ERBB4: variants seen among roughly 807,000 people sequenced by gnomAD.
The protein encoded by ERBB4 is erb-b2 receptor tyrosine kinase 4.
ERBB4 carries 42 observed loss-of-function variants against 158.0 expected under a neutral mutation model. The ratio of observed to expected loss-of-function variants is 0.27; its 90% confidence interval spans 0.21 to 0.34. The LOEUF (loss-of-function observed/expected upper bound fraction) is 0.34. Among genes scored for constraint, ERBB4 ranks in the 10% least tolerant of loss-of-function variants. The pLI is 1.00. For synonymous variants in ERBB4, 583 were observed against 558.7 expected (o/e 1.04, Z -0.61); for missense variants, 1,333 against 1,624.1 (o/e 0.82, Z 3.08).
intron 20 of ERBB4, among the ~76,000 whole-genome samples, chr2:211,500,909 T>C (rs970626396): frequency 1.8e-4 from 27 of 152,058 alleles, no homozygotes; most frequent in African/African-American, 6.5e-4. Flanking sequence ...TGTGACTGAA[T>C]AACAGTAATG....
At chr2:211,786,203 T>C (rs1456920163) in intron 4 of ERBB4, among the ~76,000 whole-genome samples, 1 of 152,212 alleles carries the variant, frequency 6.6e-6, no homozygotes, top group East Asian at 1.9e-4. Context: ...TATGTAGTTC[T>C]AGGGAGTCAT....
At chr2:212,480,089 T>A (rs987762739) in intron 1 of ERBB4, among the ~76,000 whole-genome samples, 4 of 152,212 alleles carry the variant, frequency 2.6e-5, no homozygotes, top group Non-Finnish European at 5.9e-5. Flanking sequence ...GATGAAGAAC[T>A]TATTTTCAAC....
chr2:212,361,758 A>G (rs1405417320), intron 1 of ERBB4, among the ~76,000 whole-genome samples: 1 of 151,604 alleles, frequency 6.6e-6, no homozygotes, highest in Non-Finnish European at 1.5e-5. Context: ...ACAATCCTCA[A>G]CTGATTCATC....
At chr2:212,263,006 T>A (rs1299950744) in intron 1 of ERBB4, among the ~76,000 whole-genome samples, 1 of 152,056 alleles carries the variant, frequency 6.6e-6, no homozygotes. Flanking sequence ...GTGATTAAGG[T>A]AAAGTTCATG....
At chr2:211,780,211 A>G (rs1325910879) in intron 4 of ERBB4, among the ~76,000 whole-genome samples, 2 of 152,052 alleles carry the variant, frequency 1.3e-5, no homozygotes, top group Admixed American at 6.6e-5. Context: ...ACAGTAAAAA[A>G]CAATTATCTG....
intron 9 of ERBB4, among the ~76,000 whole-genome samples, chr2:211,709,176 T>C (rs1270894162): frequency 6.6e-6 from 1 of 150,596 alleles, no homozygotes; most frequent in Non-Finnish European, 1.5e-5. Context: ...TTTATTGCAT[T>C]TATTTATTAA....
chr2:212,320,042 G>T (rs1380576193), intron 1 of ERBB4, among the ~76,000 whole-genome samples: 2 of 149,892 alleles, frequency 1.3e-5, no homozygotes, highest in Non-Finnish European at 3.0e-5. Context: ...AGTTGTTTCT[G>T]AATCTTAAAG....
At chr2:212,419,834 C>T (rs2091753251) in intron 1 of ERBB4, among the ~76,000 whole-genome samples, 1 of 151,812 alleles carries the variant, frequency 6.6e-6, no homozygotes, top group African/African-American at 2.4e-5. Flanking sequence ...TTTTTTATGT[C>T]TGAGATTCTT....
intron 1 of ERBB4, among the ~76,000 whole-genome samples, chr2:212,303,330 T>C (rs967254163): frequency 6.7e-6 from 1 of 148,574 alleles, no homozygotes; most frequent in Non-Finnish European, 1.5e-5. Flanking sequence ...TTATGTATAT[T>C]TGATTATACC....
intron 19 of ERBB4, among the ~76,000 whole-genome samples, chr2:211,612,428 C>T (rs997415153): frequency 1.3e-5 from 2 of 151,552 alleles, no homozygotes; most frequent in African/African-American, 4.8e-5. Context: ...TATATAATAA[C>T]TTATTAAAAT....
Position 211,424,177 on chromosome 2 carries a change from G to C in ERBB4, c.2844C>G (p.Asp948Glu), listed in dbSNP as rs571942755. The change falls in exon 23 of 28, where the codon GAC (aspartate) becomes GAG (glutamate). Residue 948 changes from aspartate (D) to glutamate (E), a missense_variant. This residue lies in a region of ERBB4 where 314 missense variants were observed against 437.6 expected (regional missense o/e 0.72). Coordinates refer to ENST00000342788, the MANE Select transcript of ERBB4 (RefSeq NM_005235.3). ...TACATTTGACCATGACCATGTAAAC[G>C]TCAATAGTGCAGATGGGAGGCTGAG... ...RLPQPPICTI[D>E]VYMVMVKCWM... 1 of 1,613,086 alleles carries C rather than the reference G, an allele frequency of 6.2e-7. No individual in the cohort carries two copies. Among genetic ancestry groups the C allele is most frequent in the Non-Finnish European group, 8.5e-7 (1 of 1,179,328 alleles).
intron 12 of ERBB4, among the ~76,000 whole-genome samples, chr2:211,701,756 CAAAAAAA>C (rs71409856): frequency 2.0e-3 from 130 of 66,628 alleles, no homozygotes; most frequent in East Asian, 2.4e-3. Flanking sequence ...GACTCCGTCT[CAAAAAAA>C]AAAAAAAAAA....
chr2:211,817,695 G>C (rs146846598), intron 3 of ERBB4, among the ~76,000 whole-genome samples: 97 of 152,172 alleles, frequency 6.4e-4, no homozygotes, highest in Admixed American at 1.2e-3. Flanking sequence ...ACTAAGTCCT[G>C]ATCATTGTGA....
intron 4 of ERBB4, among the ~76,000 whole-genome samples, chr2:211,768,940 C>T (rs2075624413): frequency 6.6e-6 from 1 of 152,230 alleles, no homozygotes; most frequent in South Asian, 2.1e-4. Context: ...CATTATCAGC[C>T]TGCAAATTTG....
chr2:212,538,056 C>T (rs1245498223), intron 1 of ERBB4, among the ~76,000 whole-genome samples: 1 of 152,140 alleles, frequency 6.6e-6, no homozygotes, highest in Non-Finnish European at 1.5e-5. Context: ...CCCAGGACCG[C>T]GGCCCCGGCG....
chr2:211,793,343 T>G (rs2076317353), intron 3 of ERBB4, among the ~76,000 whole-genome samples: 1 of 151,916 alleles, frequency 6.6e-6, no homozygotes, highest in African/African-American at 2.4e-5. Context: ...CTAAGTATTT[T>G]GTTTTGCAGG....
At chr2:211,742,230 G>A (rs544051590) in intron 5 of ERBB4, among the ~76,000 whole-genome samples, 55 of 152,104 alleles carry the variant, frequency 3.6e-4, no homozygotes, top group Non-Finnish European at 6.0e-4. Flanking sequence ...TTACCACATC[G>A]GCACCTTCTT....
At chr2:212,505,479 C>A (rs1372650493) in intron 1 of ERBB4, among the ~76,000 whole-genome samples, 1 of 124,602 alleles carries the variant, frequency 8.0e-6, no homozygotes, top group Non-Finnish European at 2.0e-5. Flanking sequence ...TCTTTGTAAG[C>A]AGGAAAATGT....
At chr2:212,526,805 G>C (rs896523902) in intron 1 of ERBB4, among the ~76,000 whole-genome samples, 3 of 152,006 alleles carry the variant, frequency 2.0e-5, no homozygotes, top group Non-Finnish European at 1.5e-5. Context: ...AACATTAGTG[G>C]ATGTTAATTG....
Sources: allele counts gnomAD v4.1 joint callset (sites outside exome capture counted in the v4.1 genomes callset), GRCh38; gene constraint gnomAD v4.1.1; regional missense constraint gnomAD v4.1.1; transcripts MANE v1.5; gene names NCBI Gene and HGNC (gene_info 2026-07-23, HGNC 2026-07-21).